Variants in SLC25A26 observed in about 807,000 individuals in gnomAD.
SLC25A26 encodes the protein mitochondrial S-adenosylmethionine carrier protein.
Under a neutral mutation model 37.8 loss-of-function variants are expected in SLC25A26, and 36 were observed. That is an observed-to-expected ratio of 0.95 (90% CI 0.73 to 1.26). The LOEUF (loss-of-function observed/expected upper bound fraction) is 1.26, where lower values mean the gene tolerates loss of function less well. SLC25A26 is among the 50% of genes most tolerant of loss of function. The pLI is 0.00. For missense variants in SLC25A26, 390 were observed against 331.1 expected (o/e 1.18, Z -1.38); for synonymous variants, 129 against 122.5 (o/e 1.05, Z -0.35).
chr3:66,148,186 A>G (rs181006212), intron 1 of SLC25A26, among the ~76,000 whole-genome samples: 9 of 152,302 alleles, frequency 5.9e-5, no homozygotes, highest in Non-Finnish European at 7.4e-5. Flanking sequence ...TCATTTGTAT[A>G]TCTTCTTTTG....
chr3:66,289,173 T>G (rs2074618113), intron 5 of SLC25A26, among the ~76,000 whole-genome samples: 1 of 152,168 alleles, frequency 6.6e-6, no homozygotes, highest in Non-Finnish European at 1.5e-5. Flanking sequence ...TTGATGGGGT[T>G]GTTTGTTTTT....
chr3:66,270,190 A>G (rs541067055), intron 5 of SLC25A26, among the ~76,000 whole-genome samples: 3 of 152,290 alleles, frequency 2.0e-5, no homozygotes, highest in African/African-American at 7.2e-5. Context: ...CTAAGATTTC[A>G]GTCTTCTTAA....
At chr3:66,356,887 C>T (rs894904101) in intron 6 of SLC25A26, among the ~76,000 whole-genome samples, 13 of 152,100 alleles carry the variant, frequency 8.5e-5, no homozygotes, top group African/African-American at 2.4e-4. Flanking sequence ...CCTCAGACTC[C>T]AGCAAGTGCT....
chr3:66,261,119 G>A (rs912742541), intron 3 of SLC25A26, among the ~76,000 whole-genome samples: 3 of 152,182 alleles, frequency 2.0e-5, no homozygotes. Flanking sequence ...TTCCTGTCTC[G>A]GCTTCCCGAG....
chr3:66,283,438 A>T (rs1351848667), intron 5 of SLC25A26, among the ~76,000 whole-genome samples: 2 of 152,062 alleles, frequency 1.3e-5, no homozygotes, highest in Admixed American at 1.3e-4. Flanking sequence ...GTACCACCAT[A>T]CCTGGCTAAT....
At chr3:66,157,524 G>A (rs1489143385) in intron 1 of SLC25A26, among the ~76,000 whole-genome samples, 1 of 152,222 alleles carries the variant, frequency 6.6e-6, no homozygotes, top group Non-Finnish European at 1.5e-5. Context: ...TTTTACAAGT[G>A]AAGAAATCAC....
chr3:66,263,384 G>C lies in SLC25A26; in HGVS notation c.453+5G>C. The C allele has an allele frequency of 6.3e-7, 1 of 1,596,218 alleles. No individual in the cohort carries two copies. The highest frequency in any genetic ancestry group is 8.6e-7 in the Non-Finnish European group (1 of 1,165,120). Reference sequence around the variant, plus strand: ...AAAAGCACAGTTTTAAGAGAGGTAAGTCACTTACTTTCCAATATTGAAGTA... The same window carrying C: ...AAAAGCACAGTTTTAAGAGAGGTAACTCACTTACTTTCCAATATTGAAGTA... On this transcript the variant is annotated splice_donor_5th_base_variant and intron_variant, in intron 5 of 9. Coordinates refer to ENST00000354883, the MANE Select transcript of SLC25A26 (RefSeq NM_001379210.1).
intron 5 of SLC25A26, among the ~76,000 whole-genome samples, chr3:66,288,302 A>G (rs1010985820): frequency 1.3e-5 from 2 of 152,138 alleles, no homozygotes; most frequent in African/African-American, 4.8e-5. Context: ...AAAGGAATTG[A>G]TATGTTGACA....
At chr3:66,332,469 T>A (rs2075999426) in intron 5 of SLC25A26, among the ~76,000 whole-genome samples, 1 of 152,200 alleles carries the variant, frequency 6.6e-6, no homozygotes, top group African/African-American at 2.4e-5. Context: ...TTCATAAAAC[T>A]AAAGCACTTT....
intron 5 of SLC25A26, among the ~76,000 whole-genome samples, chr3:66,280,323 T>G (rs1448554601): frequency 6.6e-6 from 1 of 152,172 alleles, no homozygotes; most frequent in Non-Finnish European, 1.5e-5. Flanking sequence ...TTTTTTTCAT[T>G]TAATCTTCAC....
intron 9 of SLC25A26, among the ~76,000 whole-genome samples, chr3:66,374,393 C>T (rs1206298447): frequency 2.0e-5 from 3 of 152,242 alleles, no homozygotes; most frequent in Admixed American, 6.5e-5. Flanking sequence ...GCATCACCCA[C>T]TGTGTCCACC....
At chr3:66,339,316 G>A (rs904891018) in intron 5 of SLC25A26, among the ~76,000 whole-genome samples, 12 of 151,874 alleles carry the variant, frequency 7.9e-5, no homozygotes, top group African/African-American at 2.9e-4. Context: ...TATTTTAAAC[G>A]CAAGTCCTTT....
chr3:66,143,524 A>T (rs1035472152), intron 1 of SLC25A26, among the ~76,000 whole-genome samples: 1 of 152,196 alleles, frequency 6.6e-6, no homozygotes, highest in Non-Finnish European at 1.5e-5. Flanking sequence ...GAGAAAGGCA[A>T]TAAACAATAA....
intron 1 of SLC25A26, among the ~76,000 whole-genome samples, chr3:66,182,233 G>A (rs1355225235): frequency 1.3e-5 from 2 of 152,120 alleles, no homozygotes; most frequent in Non-Finnish European, 2.9e-5. Context: ...GAAGTTTGTT[G>A]GGCTCTCCTA....
intron 3 of SLC25A26, among the ~76,000 whole-genome samples, chr3:66,243,907 C>G (rs1351885276): frequency 6.6e-6 from 1 of 152,160 alleles, no homozygotes; most frequent in African/African-American, 2.4e-5. Context: ...TTTGTGGGCT[C>G]TGTCATGAAG....
At chr3:66,221,698 A>G (rs1334236424) in intron 1 of SLC25A26, among the ~76,000 whole-genome samples, 1 of 151,736 alleles carries the variant, frequency 6.6e-6, no homozygotes, top group Non-Finnish European at 1.5e-5. Flanking sequence ...CAGGCTTAGT[A>G]TTTAATTCCG....
rs562728343 is a variant in SLC25A26 at position 66,221,083 on chromosome 3, G to C, written c.-12G>C. On this transcript the variant is annotated 5_prime_UTR_variant, in exon 1 of 10. Coordinates refer to ENST00000354883, the MANE Select transcript of SLC25A26 (RefSeq NM_001379210.1). ...CGGCTTGGATTGTAGCCTTGACGAG[G>C]TCTGAGCGACCATGGACCGGCCGGG... The C allele has an allele frequency of 2.1e-5, 32 of 1,535,010 alleles. No homozygotes were observed. In the South Asian group the frequency reaches 3.5e-4, roughly 17 times the overall value.
chr3:66,358,236 G>C (rs906364497), intron 6 of SLC25A26, among the ~76,000 whole-genome samples: 1 of 152,106 alleles, frequency 6.6e-6, no homozygotes, highest in East Asian at 1.9e-4. Flanking sequence ...CATAATTTAT[G>C]TATTTTTTAC....
intron 5 of SLC25A26, among the ~76,000 whole-genome samples, chr3:66,282,293 G>C (rs2074373297): frequency 6.6e-6 from 1 of 151,634 alleles, no homozygotes; most frequent in Non-Finnish European, 1.5e-5. Context: ...TTACAGGCGT[G>C]AGCCACCGCG....
Sources: allele counts gnomAD v4.1 joint callset (sites outside exome capture counted in the v4.1 genomes callset), GRCh38; gene constraint gnomAD v4.1.1; transcripts MANE v1.5; gene names NCBI Gene and HGNC (gene_info 2026-07-23, HGNC 2026-07-21).